Variants in PCLO observed in about 807,000 individuals in gnomAD.
PCLO encodes the protein piccolo presynaptic cytomatrix protein.
Under a neutral mutation model 427.5 loss-of-function variants are expected in PCLO, and 82 were observed. The ratio of observed to expected loss-of-function variants is 0.19; its 90% CI spans 0.16 to 0.23. The LOEUF is 0.23. Among genes scored for constraint, PCLO ranks in the 10% least tolerant of loss-of-function variants. The pLI is 1.00. For synonymous variants in PCLO, 2,357 were observed against 2,155.4 expected (o/e 1.09, Z -2.59); for missense variants, 6,239 against 6,115.9 (o/e 1.02, Z -0.67).
chr7:82,833,671 C>T (rs957905077), intron 16 of PCLO, among the ~76,000 whole-genome samples: 6 of 152,078 alleles, frequency 3.9e-5, no homozygotes, highest in Non-Finnish European at 8.8e-5. Flanking sequence ...TAGTATAATT[C>T]AGAAGCTCAA....
intron 6 of PCLO, among the ~76,000 whole-genome samples, chr7:82,930,866 T>C (rs1794824201): frequency 6.6e-6 from 1 of 152,192 alleles, no homozygotes; most frequent in Non-Finnish European, 1.5e-5. Flanking sequence ...CAAGCCATAT[T>C]GATAACTTGT....
intron 3 of PCLO, among the ~76,000 whole-genome samples, chr7:83,041,058 T>G (rs1788961912): frequency 6.6e-6 from 1 of 152,204 alleles, no homozygotes; most frequent in Non-Finnish European, 1.5e-5. Flanking sequence ...TTATTTTGTC[T>G]TTTAAGAATT....
chr7:82,766,207 A>G (rs1233830580), intron 22 of PCLO, among the ~76,000 whole-genome samples: 1 of 152,114 alleles, frequency 6.6e-6, no homozygotes, highest in Non-Finnish European at 1.5e-5. Flanking sequence ...GCCTTGGCTT[A>G]TCACTATGAA....
chr7:83,157,784 A>G (rs1792337424), intron 1 of PCLO, among the ~76,000 whole-genome samples: 1 of 151,958 alleles, frequency 6.6e-6, no homozygotes. Context: ...AGGCTTTTTA[A>G]ATTTTGAAAA....
At chr7:83,006,045 A>AT (rs1562914346) in intron 3 of PCLO, among the ~76,000 whole-genome samples, 2 of 151,642 alleles carry the variant, frequency 1.3e-5, no homozygotes, top group African/African-American at 4.8e-5. Context: ...ATGACACTTG[A>AT]TTTTAACTGT....
intron 14 of PCLO, among the ~76,000 whole-genome samples, chr7:82,838,547 C>T (rs918321492): frequency 6.6e-6 from 1 of 151,788 alleles, no homozygotes. Flanking sequence ...ACATGCTGTT[C>T]ATTCTTTCCA....
At chr7:83,062,296 T>G (rs937049404) in intron 3 of PCLO, among the ~76,000 whole-genome samples, 2 of 152,126 alleles carry the variant, frequency 1.3e-5, no homozygotes, top group Non-Finnish European at 2.9e-5. Context: ...TTCACCAATG[T>G]GCTAAATCAT....
intron 9 of PCLO, among the ~76,000 whole-genome samples, chr7:82,892,912 A>C (rs1311801617): frequency 1.3e-5 from 2 of 152,114 alleles, no homozygotes; most frequent in Non-Finnish European, 2.9e-5. Flanking sequence ...ATCATTAAAA[A>C]GTCAGGAAAC....
chr7:82,809,886 C>G (rs1791533424), intron 20 of PCLO, among the ~76,000 whole-genome samples: 1 of 151,392 alleles, frequency 6.6e-6, no homozygotes, highest in South Asian at 2.1e-4. Context: ...CCCAATCTCC[C>G]AAAACACTGG....
intron 3 of PCLO, among the ~76,000 whole-genome samples, chr7:83,093,462 A>ATGTGTGTGTGTGTGTGTG (rs199740692): frequency 4.2e-5 from 4 of 94,788 alleles, no homozygotes; most frequent in African/African-American, 1.6e-4. Flanking sequence ...AAACATATAT[A>ATGTGTGTGTGTGTGTGTG]TGTGTGTGTG....
intron 22 of PCLO, among the ~76,000 whole-genome samples, chr7:82,778,955 G>C (rs964333789): frequency 6.6e-6 from 1 of 151,730 alleles, no homozygotes; most frequent in Non-Finnish European, 1.5e-5. Flanking sequence ...AAATTTTAGG[G>C]TCACCTCTCA....
In PCLO at chr7:83,025,017, A is replaced by C. The variant is rs548329274; in HGVS notation, c.3301-58530T>G. Among the ~76,000 whole-genome samples the C allele has an allele frequency of 1.2e-4, 19 of 152,298 alleles. No individual in the cohort carries two copies. The South Asian group carries it at 3.7e-3, about 30-fold the overall frequency. On this transcript the variant is annotated intron_variant, in intron 3 of 24. Coordinates refer to ENST00000333891, the MANE Select transcript of PCLO (RefSeq NM_033026.6). Reference sequence around the variant, plus strand: ...CAAAGATGGGGAAAAAACAGAACAGAAAAACTGGAAACTCTAAAAAGTAGA... The same window carrying C: ...CAAAGATGGGGAAAAAACAGAACAGCAAAACTGGAAACTCTAAAAAGTAGA...
At position 83,155,666 on chromosome 7, in the gene PCLO, CTGTGAT is replaced by C. The variant is rs1562996510; in HGVS notation, c.969_974del (p.Ser324_Gln325del). 6.2e-7 allele frequency: 1 copy of C among 1,613,056 alleles called. No homozygotes were observed. Among genetic ancestry groups the C allele is most frequent in the East Asian group, 2.2e-5 (1 of 44,750 alleles). ...GAGCTGGGGGCTTTGCAGGCCCAGG[CTGTGAT>C]TTTTCATGTCCAGGCTGCTGTGCTG... On this transcript the variant is annotated inframe_deletion, in exon 2 of 25. Transcript: ENST00000333891.
chr7:82,936,551 G>A (rs1363090573), intron 6 of PCLO, among the ~76,000 whole-genome samples: 1 of 151,492 alleles, frequency 6.6e-6, no homozygotes, highest in East Asian at 1.9e-4. Flanking sequence ...TAGGGAAATT[G>A]CAACCCTTAT....
At chr7:82,937,148 GT>G (rs1239376228) in intron 6 of PCLO, among the ~76,000 whole-genome samples, 1 of 151,676 alleles carries the variant, frequency 6.6e-6, no homozygotes, top group Non-Finnish European at 1.5e-5. Flanking sequence ...TTAATTTTAT[GT>G]TGTGTGAATT....
intron 22 of PCLO, among the ~76,000 whole-genome samples, chr7:82,800,291 T>C (rs1430645692): frequency 5.3e-5 from 8 of 152,164 alleles, no homozygotes; most frequent in Non-Finnish European, 7.3e-5. Context: ...AGGTCACATA[T>C]CTAATAAAGA....
chr7:83,128,989 T>C lies in PCLO; in HGVS notation c.3300+5261A>G, dbSNP rs182167575. On this transcript the variant is annotated intron_variant, in intron 3 of 24. Coordinates refer to ENST00000333891, the MANE Select transcript of PCLO (RefSeq NM_033026.6). ...AAATGTTACCTGGATGTTATGCATA[T>C]ATTTACAAATTTGTTGGTATTAAAA... 3.1e-3 allele frequency among the ~76,000 whole-genome samples: 478 copies of C among 152,310 alleles called. 4 individuals carry two copies. The highest frequency in any genetic ancestry group is 0.011 in the African/African-American group (451 of 41,574).
chr7:82,978,565 A>C (rs2115754905), intron 3 of PCLO, among the ~76,000 whole-genome samples: 1 of 152,226 alleles, frequency 6.6e-6, no homozygotes, highest in African/African-American at 2.4e-5. Flanking sequence ...CAAAGTAATT[A>C]TATAGGAACT....
Position 82,838,209 on chromosome 7 carries a change from T to A in PCLO, c.14222+9A>T. 6.3e-7 allele frequency: 1 copy of A among 1,591,376 alleles called. No homozygotes were observed. Among genetic ancestry groups the A allele is most frequent in the Non-Finnish European group, 8.6e-7 (1 of 1,164,552 alleles). ...AGCATGAGATGAAGTACTTCTTAAT[T>A]TTACTTACCCTCTCCCTGGAAGAAG... is the stretch of plus-strand genomic sequence containing the variant. On this transcript the variant is annotated intron_variant, in intron 15 of 24. Coordinates refer to ENST00000333891, the MANE Select transcript of PCLO (RefSeq NM_033026.6).
Sources: allele counts gnomAD v4.1 joint callset (sites outside exome capture counted in the v4.1 genomes callset), GRCh38; gene constraint gnomAD v4.1.1; transcripts MANE v1.5; gene names NCBI Gene and HGNC (gene_info 2026-07-23, HGNC 2026-07-21).